Variants in HP1BP3 observed in about 807,000 individuals in gnomAD.
HP1BP3 encodes the protein heterochromatin protein 1 binding protein 3, also known as heterochromatin protein 1-binding protein 3.
In HP1BP3, 12 loss-of-function variants were observed where a neutral mutation model predicts 62.5. That is an observed-to-expected ratio of 0.19 (90% CI 0.12 to 0.31). HP1BP3 has a LOEUF of 0.31. Ranked by LOEUF, HP1BP3 falls within the 10% of genes least tolerant of loss-of-function variation. The probability of loss-of-function intolerance (pLI) is 1.00; values close to 1 mark genes in which losing one functional copy is unlikely to be tolerated. For missense variants in HP1BP3, 502 were observed against 651.8 expected, an observed-to-expected ratio of 0.77 and a Z score of 2.50; for synonymous variants, 260 against 237.8, an observed-to-expected ratio of 1.09 and a Z score of -0.86.
chr1:20,776,219 C>G, intron 4 of HP1BP3: 1 of 459,802 alleles, frequency 2.2e-6, no homozygotes, highest in East Asian at 3.4e-5. Flanking sequence ...CAACCCACTC[C>G]TGGCACAGAA....
rs2055082090 is a variant in HP1BP3, at chr1:20,741,468, T to G, written c.*3329A>C. Among the ~76,000 whole-genome samples, 1 of 152,252 alleles carries G rather than the reference T, an allele frequency of 6.6e-6. No homozygotes were observed. On this transcript the variant is annotated 3_prime_UTR_variant, in exon 13 of 13. Transcript: ENST00000438032. ...CAGATTGTTTAGTTTTGTTTTCATG[T>G]CATTTTCCTGTTAATTATACCCAAA...
chr1:20,771,262 C>G (rs559200309), intron 5 of HP1BP3, among the ~76,000 whole-genome samples, 189 bp from the exon 6 acceptor site: 1 of 152,174 alleles, frequency 6.6e-6, no homozygotes, highest in Non-Finnish European at 1.5e-5. Context: ...ATTTCTACTA[C>G]AATTTTAAAT....
intron 4 of HP1BP3, chr1:20,776,073 T>C: frequency 7.5e-7 from 1 of 1,326,634 alleles, no homozygotes. Flanking sequence ...TAGATACACA[T>C]CAATAGCAAA....
chr1:20,777,848 C>G (rs909971307), intron 3 of HP1BP3, among the ~76,000 whole-genome samples: 2 of 152,214 alleles, frequency 1.3e-5, no homozygotes, highest in Non-Finnish European at 2.9e-5. Flanking sequence ...GATTTCCATC[C>G]TCCTTTGGAA....
chr1:20,746,534 A>T (rs1000155993), intron 11 of HP1BP3, among the ~76,000 whole-genome samples: 11 of 152,344 alleles, frequency 7.2e-5, no homozygotes, highest in African/African-American at 2.6e-4. Context: ...TATGTTATGT[A>T]CTTTACTGGA....
intron 8 of HP1BP3, among the ~76,000 whole-genome samples, chr1:20,764,409 T>A (rs940632466): frequency 6.6e-6 from 1 of 151,754 alleles, no homozygotes; most frequent in South Asian, 2.1e-4. Context: ...AATGGCGCAA[T>A]CTCGGCTCAC....
At chr1:20,759,791 G>A (rs1239259394) in intron 8 of HP1BP3, among the ~76,000 whole-genome samples, 1 of 151,998 alleles carries the variant, frequency 6.6e-6, no homozygotes, top group African/African-American at 2.4e-5. Context: ...GCAACACAAA[G>A]GCTCTGAGAC....
chr1:20,768,768 A>G (rs1437634021), intron 6 of HP1BP3, among the ~76,000 whole-genome samples: 1 of 152,106 alleles, frequency 6.6e-6, no homozygotes, highest in African/African-American at 2.4e-5. Flanking sequence ...TGAACACGGG[A>G]GGCAGAGGGT....
chr1:20,746,552 A>C (rs1044701792), intron 11 of HP1BP3, among the ~76,000 whole-genome samples: 5 of 152,206 alleles, frequency 3.3e-5, no homozygotes, highest in Admixed American at 1.3e-4. Context: ...GGAAATCAAA[A>C]GGCTTTAAAC....
chr1:20,782,620 G>A (rs575981783), intron 1 of HP1BP3, among the ~76,000 whole-genome samples: 1 of 150,512 alleles, frequency 6.6e-6, no homozygotes, highest in Non-Finnish European at 1.5e-5. Context: ...AAACACAAAA[G>A]GGCCAGGCAT....
At position 20,779,585 on chromosome 1, in the gene HP1BP3, A is replaced by G. The variant is rs147140233; in HGVS notation, c.196+227T>C. On this transcript the variant is annotated intron_variant, in intron 3 of 12. Transcript: ENST00000438032. Reference sequence around the variant, plus strand: ...AAACATTTTTGTTTTTAATTCCAACATAACATTTTCACCTTCCAAAAACCT... The same window carrying G: ...AAACATTTTTGTTTTTAATTCCAACGTAACATTTTCACCTTCCAAAAACCT... Among the ~76,000 whole-genome samples, 69 of 152,232 alleles carry G rather than the reference A, an allele frequency of 4.5e-4. 1 individual carries two copies. The East Asian group carries it at 0.01, about 22-fold the overall frequency.
intron 8 of HP1BP3, among the ~76,000 whole-genome samples, chr1:20,763,345 G>A (rs1473418837): frequency 6.6e-6 from 1 of 152,166 alleles, no homozygotes; most frequent in Non-Finnish European, 1.5e-5. Context: ...CAGCATATAA[G>A]AAGCATGAAA....
chr1:20,783,243 G>C (rs997963126), intron 1 of HP1BP3, among the ~76,000 whole-genome samples: 3 of 152,150 alleles, frequency 2.0e-5, no homozygotes, highest in African/African-American at 7.2e-5. Context: ...CGTTAGGGCT[G>C]GGTACAGTGG....
At position 20,771,090 on chromosome 1, in the gene HP1BP3, A is replaced by C. The variant is rs559177; in HGVS notation, c.511-17T>G. 1 of 1,581,400 alleles carries C rather than the reference A, an allele frequency of 6.3e-7. No homozygotes were observed. Among genetic ancestry groups the C allele is most frequent in the Non-Finnish European group, 8.6e-7 (1 of 1,168,562 alleles). Reference sequence around the variant, plus strand: ...GAAGCATGCCTAGAAAAGATTTATTAAACTAGTTGTTTTTTTTTATTAGAT... The same window carrying C: ...GAAGCATGCCTAGAAAAGATTTATTCAACTAGTTGTTTTTTTTTATTAGAT... On this transcript the variant is annotated splice_polypyrimidine_tract_variant and intron_variant, in intron 5 of 12. Coordinates refer to ENST00000438032, the MANE Select transcript of HP1BP3 (RefSeq NM_001372052.1).
In HP1BP3 at chr1:20,742,182, AC is replaced by A. The variant is rs1252553849; in HGVS notation, c.*2614del. 1.3e-5 allele frequency among the ~76,000 whole-genome samples: 2 copies of A among 152,208 alleles called. No individual in the cohort carries two copies. Among genetic ancestry groups the A allele is most frequent in the African/African-American group, 2.4e-5 (1 of 41,446 alleles). ...AAAAGCAGTATCATAAAGCAAAGAA[AC>A]CAACCAAAATCTCCCAACTTTTGAT... On this transcript the variant is annotated 3_prime_UTR_variant, in exon 13 of 13. Transcript: ENST00000438032.
At chr1:20,767,436 G>A (rs1244348937) in intron 7 of HP1BP3, 148 bp downstream of exon 7, 5 of 695,416 alleles carry the variant, frequency 7.2e-6, no homozygotes, top group Non-Finnish European at 5.1e-6. Flanking sequence ...CTCACTAGAG[G>A]AACAAATTAT....
At chr1:20,785,377 G>C (rs1319704437) in intron 1 of HP1BP3, among the ~76,000 whole-genome samples, 1 of 152,176 alleles carries the variant, frequency 6.6e-6, no homozygotes. Context: ...GCATTTTAGG[G>C]AAAGCACTAT....
chr1:20,775,607 ACTTCCAATC>A, intron 4 of HP1BP3: 1 of 174,376 alleles, frequency 5.7e-6, no homozygotes, highest in Non-Finnish European at 1.2e-5. Context: ...CACCCAAACA[ACTTCCAATC>A]CTTTAAGGTC....
At chr1:20,763,957 G>A (rs990324659) in intron 8 of HP1BP3, among the ~76,000 whole-genome samples, 1 of 152,124 alleles carries the variant, frequency 6.6e-6, no homozygotes, top group Admixed American at 6.5e-5. Flanking sequence ...AGGCTGGAGT[G>A]CTAGGATTAC....
Sources: allele counts gnomAD v4.1 joint callset (sites outside exome capture counted in the v4.1 genomes callset), GRCh38; gene constraint gnomAD v4.1.1; transcripts MANE v1.5; gene names NCBI Gene and HGNC (gene_info 2026-07-23, HGNC 2026-07-21).